UBASH3B: variants seen among roughly 807,000 people sequenced by gnomAD.
UBASH3B encodes the protein ubiquitin-associated and SH3 domain-containing protein B.
A neutral mutation model predicts 83.4 loss-of-function variants in UBASH3B; 37 were observed. The observed-to-expected ratio is 0.44, with a 90% CI of 0.34 to 0.58. UBASH3B has a LOEUF of 0.58. Among genes scored for constraint, UBASH3B ranks in the 20% least tolerant of loss-of-function variants. The pLI is 0.01. For synonymous variants in UBASH3B, 304 were observed against 318.3 expected, an observed-to-expected ratio of 0.96 and a Z score of 0.48; for missense variants, 657 against 827.2, an observed-to-expected ratio of 0.79 and a Z score of 2.52.
At chr11:122,749,012 C>T (rs771348502) in intron 1 of UBASH3B, among the ~76,000 whole-genome samples, 11 of 152,242 alleles carry the variant, frequency 7.2e-5, no homozygotes, top group Non-Finnish European at 1.0e-4. Context: ...AGACAGTCCA[C>T]GACAGCTTTA....
intron 1 of UBASH3B, among the ~76,000 whole-genome samples, chr11:122,773,571 A>T (rs1451036347): frequency 1.3e-5 from 2 of 152,182 alleles, no homozygotes; most frequent in African/African-American, 2.4e-5. Context: ...TGCTTATTTT[A>T]TCTTGGCCAA....
chr11:122,789,060 G>A (rs755571172), intron 5 of UBASH3B, 40 bp from the exon 6 acceptor site: 11 of 1,576,706 alleles, frequency 7.0e-6, no homozygotes, highest in Non-Finnish European at 8.7e-7. Flanking sequence ...CAGGAGAATG[G>A]TGAGGCATGG....
intron 6 of UBASH3B, among the ~76,000 whole-genome samples, chr11:122,793,605 T>C (rs893284539): frequency 6.6e-6 from 1 of 152,216 alleles, no homozygotes; most frequent in African/African-American, 2.4e-5. Flanking sequence ...TGGATTTGCC[T>C]AACAACCATA....
chr11:122,683,122 G>A (rs939296576), intron 1 of UBASH3B, among the ~76,000 whole-genome samples: 5 of 151,868 alleles, frequency 3.3e-5, no homozygotes, highest in African/African-American at 1.2e-4. Context: ...GGTGGTGCAT[G>A]CCTGTAGTCA....
At chr11:122,734,886 A>C (rs1381406609) in intron 1 of UBASH3B, among the ~76,000 whole-genome samples, 1 of 151,790 alleles carries the variant, frequency 6.6e-6, no homozygotes, top group Non-Finnish European at 1.5e-5. Context: ...GCATTTTCAG[A>C]TCTGTCTTTT....
chr11:122,729,890 G>A (rs1565544295), intron 1 of UBASH3B, among the ~76,000 whole-genome samples: 1 of 141,220 alleles, frequency 7.1e-6, no homozygotes, highest in Non-Finnish European at 1.5e-5. Flanking sequence ...GAGCTGGGAG[G>A]ATCAGTTGGG....
intron 1 of UBASH3B, among the ~76,000 whole-genome samples, chr11:122,695,187 C>A (rs952107103): frequency 2.0e-5 from 3 of 152,080 alleles, no homozygotes; most frequent in Non-Finnish European, 2.9e-5. Flanking sequence ...TGGTCTTGAA[C>A]TCCCGACCTC....
chr11:122,680,825 C>T (rs2135908845), intron 1 of UBASH3B, among the ~76,000 whole-genome samples: 1 of 152,336 alleles, frequency 6.6e-6, no homozygotes, highest in South Asian at 2.1e-4. Flanking sequence ...TGTCTTTTCT[C>T]CTCTACAACA....
chr11:122,675,712 G>A (rs746275108), intron 1 of UBASH3B, among the ~76,000 whole-genome samples: 10 of 152,146 alleles, frequency 6.6e-5, no homozygotes, highest in Admixed American at 2.0e-4. Flanking sequence ...ATGTAATCCT[G>A]GCCCCAGTGA....
chr11:122,803,116 A>C (rs1861284843), intron 11 of UBASH3B, among the ~76,000 whole-genome samples: 1 of 152,154 alleles, frequency 6.6e-6, no homozygotes, highest in South Asian at 2.1e-4. Flanking sequence ...CTTATTCCAG[A>C]TTGCCTTTTC....
At chr11:122,783,357 G>A in intron 5 of UBASH3B, 135 bp downstream of exon 5, 1 of 1,051,058 alleles carries the variant, frequency 9.5e-7, no homozygotes, top group Non-Finnish European at 1.3e-6. Context: ...CGTTGGCTCA[G>A]GATTGTGTCC....
chr11:122,803,829 G>A (rs942528029), intron 11 of UBASH3B, among the ~76,000 whole-genome samples: 2 of 152,202 alleles, frequency 1.3e-5, no homozygotes, highest in East Asian at 3.9e-4. Flanking sequence ...GACTTCCAGA[G>A]CACCGTATTC....
chr11:122,798,230 A>C (rs911200344), intron 9 of UBASH3B, among the ~76,000 whole-genome samples: 3 of 152,164 alleles, frequency 2.0e-5, no homozygotes, highest in Non-Finnish European at 4.4e-5. Context: ...AGGTGTTGGG[A>C]TTTATCTCTG....
chr11:122,801,051 C>T (rs1439874325), intron 10 of UBASH3B, 137 bp from the exon 11 acceptor site: 1 of 1,073,210 alleles, frequency 9.3e-7, no homozygotes, highest in East Asian at 2.5e-5. Context: ...TGTCCAAATC[C>T]ACATGCTTCC....
chr11:122,782,778 G>GAAGGACTT (rs1860877480), intron 4 of UBASH3B: 1 of 345,760 alleles, frequency 2.9e-6, no homozygotes, highest in African/African-American at 2.1e-5. Context: ...AATGTTGTGA[G>GAAGGACTT]AAGGACTTAA....
chr11:122,666,131 C>A (rs945032631), intron 1 of UBASH3B, among the ~76,000 whole-genome samples: 1 of 152,254 alleles, frequency 6.6e-6, no homozygotes, highest in African/African-American at 2.4e-5. Flanking sequence ...GAGGCAGCTG[C>A]ATGCTCCCGA....
At chr11:122,800,571 T>G (rs1203803191) in intron 10 of UBASH3B, among the ~76,000 whole-genome samples, 3 of 151,656 alleles carry the variant, frequency 2.0e-5, no homozygotes, top group East Asian at 1.9e-4. Context: ...ATAATAATAA[T>G]AAAGAAAGAA....
At position 122,806,619 on chromosome 11, in the gene UBASH3B, GA is replaced by G; in HGVS notation, c.1702+106del. ...TTTCAACTTGCTTTGGCTAACCAAA[GA>G]AATGTATTTCCAGATTTTCTTCCAG... On this transcript the variant is annotated intron_variant, in intron 12 of 13. Transcript: ENST00000284273. This position sits in a 1 kb window ranked among gnomAD's most constrained non-coding sequence, Gnocchi z 4.0. 7.4e-7 allele frequency: 1 copy of G among 1,351,094 alleles called. No individual in the cohort carries two copies. The highest frequency in any genetic ancestry group is 9.6e-7 in the Non-Finnish European group (1 of 1,046,792). 83.7% of individuals were successfully genotyped at this position (1,351,094 alleles called of 1,614,324 possible). A position where few individuals can be genotyped will look rare whatever the true frequency, so the allele number is the denominator to read the frequency against.
chr11:122,781,803 A>G (rs1020744262), intron 4 of UBASH3B, among the ~76,000 whole-genome samples: 1 of 152,232 alleles, frequency 6.6e-6, no homozygotes, highest in Non-Finnish European at 1.5e-5. Context: ...GCATTTATTC[A>G]TTTAACAAGT....
Sources: allele counts gnomAD v4.1 joint callset (sites outside exome capture counted in the v4.1 genomes callset), GRCh38; gene constraint gnomAD v4.1.1; non-coding constraint Gnocchi (gnomAD v3.1); transcripts MANE v1.5; gene names NCBI Gene and HGNC (gene_info 2026-07-23, HGNC 2026-07-21).